The following CR1L variants were observed in gnomAD, a reference collection of about 807,000 sequenced individuals.
CR1L encodes the protein complement component receptor 1-like protein.
A neutral mutation model predicts 62.3 loss-of-function variants in CR1L; 59 were observed. That is an observed-to-expected ratio of 0.95 (90% CI 0.77 to 1.18). CR1L has a LOEUF of 1.18. Ranked by LOEUF, CR1L falls within the 50% of genes most tolerant of loss-of-function variation. The pLI is 0.00. For synonymous variants in CR1L, 279 were observed against 248.7 expected, an observed-to-expected ratio of 1.12 and a Z score of -1.15; for missense variants, 700 against 702.8, an observed-to-expected ratio of 1.00 and a Z score of 0.04.
Position 207,683,965 on chromosome 1 carries a change from G to A in CR1L, c.463+8G>A, listed in dbSNP as rs757342673. On this transcript the variant is annotated splice_region_variant and intron_variant, in intron 4 of 11. Coordinates refer to ENST00000508064, the MANE Select transcript of CR1L (RefSeq NM_175710.2). ...AAACACCTGTTTGTGACAGTGAGTT[G>A]AAATATGCATTCCTATTTCTTTTAC... is the stretch of plus-strand genomic sequence containing the variant. 8.6e-5 allele frequency: 139 copies of A among 1,607,848 alleles called. No homozygotes were observed. Among genetic ancestry groups the A allele is most frequent in the Non-Finnish European group, 1.1e-4 (129 of 1,175,348 alleles).
chr1:207,702,193 C>T (rs2102473286), intron 9 of CR1L, among the ~76,000 whole-genome samples: 1 of 152,210 alleles, frequency 6.6e-6, no homozygotes, highest in African/African-American at 2.4e-5. Flanking sequence ...TCATTATTAT[C>T]ATGTCTGTGA....
At chr1:207,653,622 T>C (rs559369917) in intron 1 of CR1L, among the ~76,000 whole-genome samples, 2 of 152,298 alleles carry the variant, frequency 1.3e-5, no homozygotes, top group African/African-American at 4.8e-5. Flanking sequence ...AAGCTCTCAG[T>C]TGAAAAACCT....
chr1:207,678,142 T>C, intron 2 of CR1L, 56 bp from the exon 3 acceptor site: 3 of 1,480,166 alleles, frequency 2.0e-6, no homozygotes, highest in Non-Finnish European at 2.8e-6. Context: ...CCTTATGTAC[T>C]AAAAAAAAAT....
At chr1:207,676,029 C>A (rs950889327) in intron 1 of CR1L, among the ~76,000 whole-genome samples, 1 of 152,208 alleles carries the variant, frequency 6.6e-6, no homozygotes, top group Admixed American at 6.5e-5. Flanking sequence ...TGAGTGTCCA[C>A]TGAGTGTGAA....
At chr1:207,679,153 A>ATT (rs34703217) in intron 3 of CR1L, among the ~76,000 whole-genome samples, 1,381 of 90,322 alleles carry the variant, frequency 0.015, 48 homozygotes, top group African/African-American at 0.028. Flanking sequence ...GCCCACCACC[A>ATT]TTTTTTTTTT....
At chr1:207,665,509 G>T (rs570447325) in intron 1 of CR1L, among the ~76,000 whole-genome samples, 1 of 151,878 alleles carries the variant, frequency 6.6e-6, no homozygotes, top group East Asian at 1.9e-4. Context: ...CAATTCTCCT[G>T]GCTCAGCCTC....
intron 1 of CR1L, among the ~76,000 whole-genome samples, chr1:207,674,499 G>A (rs967475092): frequency 6.6e-6 from 1 of 152,134 alleles, no homozygotes; most frequent in African/African-American, 2.4e-5. Context: ...ATTCTTTGTT[G>A]AAGGCTCATA....
intron 9 of CR1L, among the ~76,000 whole-genome samples, chr1:207,707,039 G>A (rs1664278446): frequency 6.6e-6 from 1 of 151,968 alleles, no homozygotes; most frequent in African/African-American, 2.4e-5. Context: ...TGAGAAAATA[G>A]GTTTAAATAT....
At position 207,661,149 on chromosome 1, in the gene CR1L, T is replaced by A. The variant is rs1423701850; in HGVS notation, c.97+15819T>A. 2.6e-5 allele frequency among the ~76,000 whole-genome samples: 4 copies of A among 152,328 alleles called. No homozygotes were observed. The East Asian group carries it at 7.7e-4, about 29-fold the overall frequency. ...GATTTGGGGTGGAGAGTTCTGTAGA[T>A]GTCTATTAGGTCTGCTTGGTGCAGA... On this transcript the variant is annotated intron_variant, in intron 1 of 11. Transcript: ENST00000508064.
intron 11 of CR1L, among the ~76,000 whole-genome samples, chr1:207,719,283 A>G (rs1287152287): frequency 1.3e-5 from 2 of 151,706 alleles, no homozygotes; most frequent in Admixed American, 1.3e-4. Context: ...CATTAAAAAA[A>G]AAAAGAAAAA....
At chr1:207,692,184 T>TG (rs1007046191) in intron 4 of CR1L, among the ~76,000 whole-genome samples, 15 of 152,260 alleles carry the variant, frequency 9.9e-5, no homozygotes, top group African/African-American at 3.4e-4. Flanking sequence ...GCTTAAACTA[T>TG]GTAAGGCTTT....
chr1:207,694,373 C>A lies in CR1L; in HGVS notation c.484C>A (p.Pro162Thr). Residue 162 changes from proline to threonine, a missense_variant, in exon 5 of 12, where the codon CCC (proline) becomes ACC (threonine). By Grantham distance (38) the Pro-to-Thr change is conservative. Coordinates refer to ENST00000508064, the MANE Select transcript of CR1L (RefSeq NM_175710.2). ...CCCAGGAATTATTTGTGGGCTACCCCCCACCATCGCCAATGGAGATTTCAC... is the reference window on the plus strand; with the variant it reads ...CCCAGGAATTATTTGTGGGCTACCCACCACCATCGCCAATGGAGATTTCAC... ...VCDRIICGLP[P>T]TIANGDFTSI... 3.7e-6 allele frequency: 6 copies of A among 1,613,956 alleles called. No individual in the cohort carries two copies. The highest frequency in any genetic ancestry group is 5.1e-6 in the Non-Finnish European group (6 of 1,179,886).
rs1433766107 is a variant in CR1L, at chr1:207,674,231, G to C, written c.98-3158G>C. 3.3e-5 allele frequency among the ~76,000 whole-genome samples: 5 copies of C among 152,228 alleles called. 1 individual carries two copies. In the East Asian group the frequency reaches 7.7e-4, roughly 23 times the overall value. ...TTACAGAAGGACATGAGGGAACTGTGTGGGGTGAAGGGTATGATGGAAATG... is the reference window on the plus strand; with the variant it reads ...TTACAGAAGGACATGAGGGAACTGTCTGGGGTGAAGGGTATGATGGAAATG... On this transcript the variant is annotated intron_variant, in intron 1 of 11. Transcript: ENST00000508064.
At position 207,694,433 on chromosome 1, in the gene CR1L, G is replaced by T. The variant is rs1664039811; in HGVS notation, c.544G>T (p.Val182Leu). 1.2e-6 allele frequency: 2 copies of T among 1,613,896 alleles called. No individual in the cohort carries two copies. Among genetic ancestry groups the T allele is most frequent in the African/African-American group, 1.3e-5 (1 of 74,924 alleles). The change falls in exon 5 of 12, where the codon GTG (valine) becomes TTG (leucine). Residue 182 changes from valine to leucine, a missense_variant. Physicochemically the swap from Val to Leu is conservative, Grantham distance 32. Coordinates refer to ENST00000508064, the MANE Select transcript of CR1L (RefSeq NM_175710.2). ...CAGAGAGTATTTTCACTATGGATCA[G>T]TGGTGACCTACCACTGCAATCTTGG... is the stretch of plus-strand genomic sequence containing the variant. ...ISREYFHYGS[V>L]VTYHCNLGSR...
chr1:207,697,947 A>G lies in CR1L; in HGVS notation c.1142+74A>G, dbSNP rs1347012685. 7.5e-6 allele frequency: 12 copies of G among 1,601,878 alleles called. No homozygotes were observed. In the African/African-American group the frequency reaches 1.3e-4, roughly 18 times the overall value. ...AATTAGTCCAAAAAGGGGAGATTTG[A>G]TGTGGCTTAAAAAAAGACAGACAGA... On this transcript the variant is annotated intron_variant, in intron 7 of 11. Coordinates refer to ENST00000508064, the MANE Select transcript of CR1L (RefSeq NM_175710.2).
intron 4 of CR1L, among the ~76,000 whole-genome samples, chr1:207,693,187 G>T (rs559557815): frequency 6.6e-6 from 1 of 152,102 alleles, no homozygotes; most frequent in South Asian, 2.1e-4. Flanking sequence ...GCGCGATCTC[G>T]GCTGACTGCA....
intron 4 of CR1L, among the ~76,000 whole-genome samples, chr1:207,693,579 C>A (rs531380390): frequency 4.6e-5 from 7 of 152,164 alleles, no homozygotes; most frequent in Non-Finnish European, 7.4e-5. Flanking sequence ...GTTTAACATG[C>A]ATTTAAGGAG....
chr1:207,707,308 G>A (rs1313604437), intron 9 of CR1L, among the ~76,000 whole-genome samples: 4 of 152,084 alleles, frequency 2.6e-5, no homozygotes, highest in African/African-American at 4.8e-5. Context: ...ATGGGACATC[G>A]TGAAATCATG....
At chr1:207,696,743 A>C (rs1664105949) in intron 5 of CR1L, among the ~76,000 whole-genome samples, 1 of 152,252 alleles carries the variant, frequency 6.6e-6, no homozygotes, top group Non-Finnish European at 1.5e-5. Flanking sequence ...GTTTTATATA[A>C]TTTAGTTGAG....
Sources: allele counts gnomAD v4.1 joint callset (sites outside exome capture counted in the v4.1 genomes callset), GRCh38; gene constraint gnomAD v4.1.1; transcripts MANE v1.5; gene names NCBI Gene and HGNC (gene_info 2026-07-23, HGNC 2026-07-21).